The following PLD5 variants were observed in gnomAD, a reference collection of about 807,000 sequenced individuals.
PLD5 encodes the protein phospholipase D family member 5.
PLD5 carries 36 observed loss-of-function variants against 61.1 expected under a neutral mutation model. The ratio of observed to expected loss-of-function variants is 0.59; its 90% CI spans 0.45 to 0.78. The LOEUF is 0.78. Among genes scored for constraint, PLD5 ranks in the 30% least tolerant of loss-of-function variants. The pLI, the probability that PLD5 is intolerant of heterozygous loss-of-function variation, is 0.00. For synonymous variants in PLD5, 243 were observed against 242.8 expected (o/e 1.00, Z -0.01); for missense variants, 515 against 644.4 (o/e 0.80, Z 2.17).
chr1:242,102,260 C>T (rs1269856249), intron 8 of PLD5, among the ~76,000 whole-genome samples: 1 of 152,176 alleles, frequency 6.6e-6, no homozygotes, highest in Non-Finnish European at 1.5e-5. Context: ...ATAAAATATA[C>T]ATCTTGAGTT....
chr1:242,325,026 C>T (rs1357549528), intron 2 of PLD5, among the ~76,000 whole-genome samples: 1 of 152,120 alleles, frequency 6.6e-6, no homozygotes, highest in Non-Finnish European at 1.5e-5. Flanking sequence ...CCTGTTTAGC[C>T]AACTCTATGT....
chr1:242,519,211 G>A (rs1172092624), intron 1 of PLD5, among the ~76,000 whole-genome samples: 1 of 152,258 alleles, frequency 6.6e-6, no homozygotes, highest in African/African-American at 2.4e-5. Flanking sequence ...TCATGGATCT[G>A]CTCCGTGGGA....
In PLD5 at chr1:242,468,014, C is replaced by T. The variant is rs115880619; in HGVS notation, c.189+56074G>A. On this transcript the variant is annotated intron_variant, in intron 1 of 9. Transcript: ENST00000536534. ...ATTTTGGAAAATAAAACTGTGTGTACACTCATTTCCTTCTCAAACATTTCA... is the reference window on the plus strand; with the variant it reads ...ATTTTGGAAAATAAAACTGTGTGTATACTCATTTCCTTCTCAAACATTTCA... Among the ~76,000 whole-genome samples the T allele has an allele frequency of 5.8e-3, 888 of 152,222 alleles. 10 individuals are homozygous for T. Among genetic ancestry groups the T allele is most frequent in the African/African-American group, 0.02 (829 of 41,546 alleles).
At chr1:242,235,354 G>A (rs547441484) in intron 4 of PLD5, 1 of 152,252 alleles carries the variant, frequency 6.6e-6, no homozygotes, top group East Asian at 1.9e-4. Context: ...TCAATTAGGT[G>A]ATAGAACTAG....
intron 1 of PLD5, among the ~76,000 whole-genome samples, chr1:242,440,842 A>G (rs1666241413): frequency 6.6e-6 from 1 of 152,162 alleles, no homozygotes; most frequent in Non-Finnish European, 1.5e-5. Context: ...TGCTCTGTCC[A>G]TTACTTTCCT....
chr1:242,496,057 T>C (rs1357646217), intron 1 of PLD5, among the ~76,000 whole-genome samples: 1 of 152,242 alleles, frequency 6.6e-6, no homozygotes, highest in Non-Finnish European at 1.5e-5. Flanking sequence ...GCAATTATCA[T>C]TGGCAAGGAA....
chr1:242,284,791 G>A (rs181718332), intron 3 of PLD5, among the ~76,000 whole-genome samples: 7 of 152,278 alleles, frequency 4.6e-5, no homozygotes, highest in Non-Finnish European at 8.8e-5. Flanking sequence ...GCCAGGGACA[G>A]ACAGGTATGG....
At chr1:242,092,675 G>T (rs996281133) in intron 9 of PLD5, among the ~76,000 whole-genome samples, 1 of 152,162 alleles carries the variant, frequency 6.6e-6, no homozygotes, top group African/African-American at 2.4e-5. Flanking sequence ...GAGATCATCT[G>T]TCTCCCTGGG....
At chr1:242,336,176 C>G (rs1455435247) in intron 2 of PLD5, among the ~76,000 whole-genome samples, 9 of 152,114 alleles carry the variant, frequency 5.9e-5, no homozygotes, top group Admixed American at 5.9e-4. Context: ...GTGATGTTGA[C>G]AATCGTGGGG....
chr1:242,346,365 C>T (rs181475788), intron 2 of PLD5, among the ~76,000 whole-genome samples: 65 of 152,192 alleles, frequency 4.3e-4, no homozygotes, highest in Non-Finnish European at 7.9e-4. Context: ...GAAACTGCTA[C>T]GGTTTGACCT....
At chr1:242,117,480 C>G (rs1369562502) in intron 6 of PLD5, among the ~76,000 whole-genome samples, 5 of 152,000 alleles carry the variant, frequency 3.3e-5, no homozygotes, top group Non-Finnish European at 7.4e-5. Context: ...CTCCCAGATT[C>G]AAGTGATTCT....
At chr1:242,417,996 C>T (rs1485176914) in intron 1 of PLD5, among the ~76,000 whole-genome samples, 1 of 152,146 alleles carries the variant, frequency 6.6e-6, no homozygotes, top group African/African-American at 2.4e-5. Context: ...ACTTAGGCTG[C>T]TGTGTTGAGA....
At chr1:242,171,000 C>T (rs999724845) in intron 5 of PLD5, among the ~76,000 whole-genome samples, 1 of 152,144 alleles carries the variant, frequency 6.6e-6, no homozygotes, top group African/African-American at 2.4e-5. Context: ...CCCAACCTAG[C>T]AAGACAGGCC....
At chr1:242,498,200 T>C (rs929274811) in intron 1 of PLD5, among the ~76,000 whole-genome samples, 18 of 152,218 alleles carry the variant, frequency 1.2e-4, no homozygotes, top group African/African-American at 3.9e-4. Context: ...CCTGACCTCG[T>C]GATCCGCCCA....
intron 2 of PLD5, among the ~76,000 whole-genome samples, chr1:242,338,447 G>T (rs1399523264): frequency 6.6e-6 from 1 of 151,388 alleles, no homozygotes; most frequent in Non-Finnish European, 1.5e-5. Context: ...TGCCCATAAG[G>T]GTTCAATGAA....
chr1:242,521,697 C>G (rs1005282959), intron 1 of PLD5, among the ~76,000 whole-genome samples: 2 of 152,160 alleles, frequency 1.3e-5, no homozygotes, highest in African/African-American at 4.8e-5. Context: ...TGTTTTTAAA[C>G]TACCATATAT....
chr1:242,484,921 A>G (rs535092559), intron 1 of PLD5, among the ~76,000 whole-genome samples: 1 of 152,230 alleles, frequency 6.6e-6, no homozygotes, highest in Non-Finnish European at 1.5e-5. Flanking sequence ...AAATCAGTAA[A>G]TGTAATCCAG....
At chr1:242,092,337 C>T (rs1307278737) in intron 9 of PLD5, among the ~76,000 whole-genome samples, 1 of 152,024 alleles carries the variant, frequency 6.6e-6, no homozygotes, top group East Asian at 1.9e-4. Context: ...GTGGGACTTA[C>T]TTCCACTTTA....
chr1:242,209,483 C>T (rs74705604), intron 5 of PLD5: 1 of 152,218 alleles, frequency 6.6e-6, no homozygotes, highest in South Asian at 2.1e-4. Context: ...TTCCATGCCA[C>T]ATTTTGGTAA....
Sources: allele counts gnomAD v4.1 joint callset (sites outside exome capture counted in the v4.1 genomes callset), GRCh38; gene constraint gnomAD v4.1.1; transcripts MANE v1.5; gene names NCBI Gene and HGNC (gene_info 2026-07-23, HGNC 2026-07-21).